MTUS1: variants seen among roughly 807,000 people sequenced by gnomAD.
MTUS1 encodes the protein microtubule-associated tumor suppressor 1.
A neutral mutation model predicts 120.8 loss-of-function variants in MTUS1; 109 were observed. The ratio of observed to expected loss-of-function variants is 0.90; its 90% CI spans 0.77 to 1.06. The LOEUF is 1.06. MTUS1 is among the 50% of genes least tolerant of loss of function. The pLI is 0.00. For synonymous variants in MTUS1, 737 were observed against 550.5 expected (o/e 1.34, Z -4.74); for missense variants, 2,210 against 1,486.3 (o/e 1.49, Z -8.01).
At chr8:17,778,821 A>T (rs2050656304) in intron 1 of MTUS1, among the ~76,000 whole-genome samples, 1 of 152,120 alleles carries the variant, frequency 6.6e-6, no homozygotes, top group Non-Finnish European at 1.5e-5. Context: ...AAAATATATA[A>T]AAATAAAAAT....
intron 9 of MTUS1, 31 bp downstream of exon 9, chr8:17,655,805 CCAGGATTCAAGTAAGCAGCAGAGGCCT>C: frequency 6.8e-7 from 1 of 1,476,896 alleles, no homozygotes; most frequent in Non-Finnish European, 9.5e-7. Context: ...TGAAGAGCAA[CCAGGATTCAAGTAAGCAGCAGAGGCCT>C]CAGACAAGCT....
At chr8:17,768,766 AAG>A (rs1244756550) in intron 1 of MTUS1, among the ~76,000 whole-genome samples, 2 of 152,184 alleles carry the variant, frequency 1.3e-5, no homozygotes, top group Admixed American at 6.5e-5. Flanking sequence ...ACCAGCAGAG[AAG>A]AGAGAGTCCT....
chr8:17,718,458 G>A (rs767719628), intron 4 of MTUS1, among the ~76,000 whole-genome samples: 1 of 152,108 alleles, frequency 6.6e-6, no homozygotes, highest in African/African-American at 2.4e-5. Context: ...TATGGGAATA[G>A]ACAGTGCATT....
intron 4 of MTUS1, 30 bp downstream of exon 4, chr8:17,723,642 C>T (rs573878854): frequency 2.8e-5 from 45 of 1,594,354 alleles, no homozygotes; most frequent in Middle Eastern, 1.7e-4. Flanking sequence ...GTTTCCACAA[C>T]CCCCGAAGTG....
intron 1 of MTUS1, among the ~76,000 whole-genome samples, chr8:17,787,519 T>C (rs2073700): frequency 0.17 from 25,115 of 152,156 alleles, 2,641 homozygotes; most frequent in East Asian, 0.42. Context: ...CTGGTAGGTC[T>C]GCACAGCTAT....
In MTUS1 at chr8:17,674,737, T is replaced by C. The variant is rs571764573; in HGVS notation, c.2905+449A>G. The C allele has an allele frequency of 3.0e-6, 3 of 993,404 alleles. No individual in the cohort carries two copies. In the South Asian group the frequency reaches 1.4e-4, roughly 46 times the overall value. 61.5% of individuals were successfully genotyped at this position (993,404 alleles called of 1,614,324 possible). A position where few individuals can be genotyped will look rare whatever the true frequency, so the allele number is the denominator to read the frequency against. On this transcript the variant is annotated intron_variant, in intron 8 of 14. Transcript: ENST00000693296. The stretch of plus-strand genomic sequence containing the variant: ...ATAGAACGTGCCTTTTTCAGCCAAG[T>C]TGCCTTCATGGACAGCATCCTTTCA...
At chr8:17,741,797 G>C (rs1277265114) in intron 3 of MTUS1, among the ~76,000 whole-genome samples, 1 of 152,174 alleles carries the variant, frequency 6.6e-6, no homozygotes, top group South Asian at 2.1e-4. Flanking sequence ...CAGAAAATTA[G>C]GTGAGCTCCA....
Position 17,646,155 on chromosome 8 carries a change from C to A in MTUS1, c.3600-16G>T. Reference sequence around the variant, plus strand: ...GGAAAGCTGCCTTGAAGAAAAAGGCCAGAAACCATGAGATCTATGTAAAAA... The same window carrying A: ...GGAAAGCTGCCTTGAAGAAAAAGGCAAGAAACCATGAGATCTATGTAAAAA... On this transcript the variant is annotated splice_polypyrimidine_tract_variant and intron_variant, in intron 14 of 14. Coordinates refer to ENST00000693296, the MANE Select transcript of MTUS1 (RefSeq NM_001363059.2). 6.3e-7 allele frequency: 1 copy of A among 1,588,486 alleles called. No individual in the cohort carries two copies. The highest frequency in any genetic ancestry group is 8.5e-7 in the Non-Finnish European group (1 of 1,169,948).
At chr8:17,774,971 T>TAAAAAAAAAAA (rs76567642) in intron 1 of MTUS1, among the ~76,000 whole-genome samples, 5 of 96,972 alleles carry the variant, frequency 5.2e-5, no homozygotes, top group Non-Finnish European at 9.7e-5. Flanking sequence ...ATATTATAAG[T>TAAAAAAAAAAA]AAAAAAAAAA....
At chr8:17,667,885 G>A (rs552005711) in intron 8 of MTUS1, among the ~76,000 whole-genome samples, 3 of 152,248 alleles carry the variant, frequency 2.0e-5, no homozygotes, top group East Asian at 1.9e-4. Context: ...GGATGAGTAG[G>A]CACCAAACAC....
chr8:17,691,138 G>C (rs376482858), intron 6 of MTUS1, among the ~76,000 whole-genome samples: 1 of 152,168 alleles, frequency 6.6e-6, no homozygotes, highest in African/African-American at 2.4e-5. Context: ...CATTCTGAAT[G>C]CAACTCTAAA....
chr8:17,671,262 C>G (rs1423685692), intron 8 of MTUS1, among the ~76,000 whole-genome samples: 1 of 149,776 alleles, frequency 6.7e-6, no homozygotes, highest in African/African-American at 2.5e-5. Context: ...TCTTAATTTT[C>G]ATACATTGTT....
At chr8:17,650,438 G>A (rs1806737546) in intron 12 of MTUS1, among the ~76,000 whole-genome samples, 1 of 152,142 alleles carries the variant, frequency 6.6e-6, no homozygotes. Context: ...TTATGATGGG[G>A]CTACGTTGAC....
chr8:17,765,663 A>G (rs1483034740), intron 1 of MTUS1, among the ~76,000 whole-genome samples: 3 of 132,336 alleles, frequency 2.3e-5, no homozygotes, highest in Non-Finnish European at 4.7e-5. Context: ...CTTCACCATC[A>G]TTAAAATACA....
intron 3 of MTUS1, chr8:17,734,325 G>A (rs1335195217): frequency 2.0e-5 from 3 of 152,148 alleles, no homozygotes; most frequent in East Asian, 3.9e-4. Flanking sequence ...GTTCATCAAG[G>A]CAATAGGACT....
chr8:17,703,556 G>T (rs1421394469), intron 6 of MTUS1, among the ~76,000 whole-genome samples: 26 of 150,920 alleles, frequency 1.7e-4, no homozygotes, highest in Admixed American at 1.7e-3. Context: ...GTGAACCTGG[G>T]AGGCAGAGCT....
At chr8:17,764,362 G>A (rs1191071265) in intron 1 of MTUS1, among the ~76,000 whole-genome samples, 1 of 150,306 alleles carries the variant, frequency 6.7e-6, no homozygotes, top group East Asian at 1.9e-4. Context: ...AGGGAAAAAT[G>A]GTAATTTCTA....
chr8:17,733,127 G>A (rs757931459), intron 3 of MTUS1, among the ~76,000 whole-genome samples: 1 of 152,114 alleles, frequency 6.6e-6, no homozygotes, highest in Non-Finnish European at 1.5e-5. Flanking sequence ...GAGGTGGGTG[G>A]ATCACCTGAG....
intron 6 of MTUS1, among the ~76,000 whole-genome samples, chr8:17,699,516 A>C (rs1428655512): frequency 6.6e-6 from 1 of 152,122 alleles, no homozygotes; most frequent in Non-Finnish European, 1.5e-5. Flanking sequence ...GCCCAGCCTT[A>C]AATTATCCTT....
Sources: gnomAD v4.1 joint callset for allele counts (sites outside exome capture counted in the v4.1 genomes callset) on GRCh38, gnomAD v4.1.1 for gene constraint, MANE v1.5 for transcripts, NCBI Gene and HGNC (gene_info 2026-07-23, HGNC 2026-07-21) for gene names.